PCDH15: variants seen among roughly 807,000 people sequenced by gnomAD.
The protein encoded by PCDH15 is protocadherin-15.
A neutral mutation model predicts 178.5 loss-of-function variants in PCDH15; 129 were observed. The observed-to-expected ratio is 0.72, with a 90% CI of 0.63 to 0.84. The LOEUF is 0.84. Among genes scored for constraint, PCDH15 ranks in the 40% least tolerant of loss-of-function variants. PCDH15 has a pLI of 0.00. For missense variants in PCDH15, 2,230 were observed against 2,099.9 expected (o/e 1.06, Z -1.21); for synonymous variants, 800 against 732.0 (o/e 1.09, Z -1.50).
At chr10:54,439,929 C>A (rs556764268) in intron 3 of PCDH15, among the ~76,000 whole-genome samples, 1 of 152,000 alleles carries the variant, frequency 6.6e-6, no homozygotes, top group South Asian at 2.1e-4. Context: ...ATATGAACTA[C>A]GAATAGATTT....
rs183313365 is a variant in PCDH15 at position 54,922,123 on chromosome 10, C to A, written c.-79-24623G>T. Among the ~76,000 whole-genome samples the A allele has an allele frequency of 6.6e-5, 10 of 152,258 alleles. No individual in the cohort carries two copies. The East Asian group carries it at 1.6e-3, about 24-fold the overall frequency. Reference sequence around the variant, plus strand: ...GTGGGAAAACAGAGCCAAACAATATCATTCCACCTTGGTCCTTCCCAAGTC... The same window carrying A: ...GTGGGAAAACAGAGCCAAACAATATAATTCCACCTTGGTCCTTCCCAAGTC... On this transcript the variant is annotated intron_variant, in intron 2 of 5. Transcript: ENST00000458638.
chr10:53,951,224 A>T (rs1035961229), intron 23 of PCDH15, among the ~76,000 whole-genome samples: 1 of 152,254 alleles, frequency 6.6e-6, no homozygotes, highest in Non-Finnish European at 1.5e-5. Context: ...ATATGAAGAA[A>T]CTACCTAATC....
At chr10:53,991,898 T>C (rs567821982) in intron 21 of PCDH15, among the ~76,000 whole-genome samples, 1 of 152,032 alleles carries the variant, frequency 6.6e-6, no homozygotes. Context: ...CAGCATGATG[T>C]GGGTGGGGTC....
chr10:54,925,508 A>G (rs1837596945), intron 2 of PCDH15, among the ~76,000 whole-genome samples: 1 of 152,146 alleles, frequency 6.6e-6, no homozygotes, highest in African/African-American at 2.4e-5. Context: ...CCATAGGAAT[A>G]GCATTGCATT....
chr10:55,109,611 G>T (rs374041639), intron 2 of PCDH15, among the ~76,000 whole-genome samples: 1 of 151,932 alleles, frequency 6.6e-6, no homozygotes, highest in African/African-American at 2.4e-5. Context: ...AACAGTGAGG[G>T]GTTATAAGGT....
chr10:55,242,760 C>A (rs372037196), intron 1 of PCDH15, among the ~76,000 whole-genome samples: 1 of 151,970 alleles, frequency 6.6e-6, no homozygotes, highest in Non-Finnish European at 1.5e-5. Flanking sequence ...TTGAGGTGGG[C>A]GGATCATCTG....
chr10:55,108,164 C>T (rs1490533828), intron 2 of PCDH15, among the ~76,000 whole-genome samples: 1 of 152,132 alleles, frequency 6.6e-6, no homozygotes, highest in Non-Finnish European at 1.5e-5. Flanking sequence ...TGATCTTATG[C>T]TTCTCAACAT....
chr10:54,893,329 T>C (rs1954495466), intron 3 of PCDH15, among the ~76,000 whole-genome samples: 1 of 152,084 alleles, frequency 6.6e-6, no homozygotes, highest in Non-Finnish European at 1.5e-5. Context: ...TAACCATAAA[T>C]GTTTATGTGA....
chr10:55,056,459 A>T (rs1841305817), intron 2 of PCDH15, among the ~76,000 whole-genome samples: 1 of 151,952 alleles, frequency 6.6e-6, no homozygotes, highest in East Asian at 1.9e-4. Context: ...ATTTTCATTG[A>T]GTTACCATTA....
At chr10:55,273,495 C>T (rs776260271) in intron 1 of PCDH15, among the ~76,000 whole-genome samples, 96 of 152,104 alleles carry the variant, frequency 6.3e-4, no homozygotes, top group Non-Finnish European at 9.9e-4. Context: ...AGAATGATGA[C>T]GAATTCCACA....
chr10:54,607,603 A>G (rs1590458006), intron 2 of PCDH15, among the ~76,000 whole-genome samples: 1 of 152,244 alleles, frequency 6.6e-6, no homozygotes, highest in South Asian at 2.1e-4. Context: ...AAGAGTAGAA[A>G]TCAACCCATA....
At chr10:55,305,254 T>A (rs1323422119) in intron 1 of PCDH15, among the ~76,000 whole-genome samples, 1 of 152,188 alleles carries the variant, frequency 6.6e-6, no homozygotes, top group African/African-American at 2.4e-5. Context: ...GACCCACCAG[T>A]TGAATTGGAT....
chr10:54,409,799 G>A (rs1953215569), intron 3 of PCDH15, among the ~76,000 whole-genome samples: 1 of 152,032 alleles, frequency 6.6e-6, no homozygotes, highest in Non-Finnish European at 1.5e-5. Context: ...CCCCCATGTT[G>A]AGACTGGTGG....
intron 3 of PCDH15, among the ~76,000 whole-genome samples, chr10:54,440,064 A>G (rs1331673427): frequency 1.3e-5 from 2 of 152,014 alleles, no homozygotes; most frequent in African/African-American, 4.8e-5. Context: ...TGGGGGGAAA[A>G]AAACTTCACA....
At chr10:54,144,138 A>T (rs1462735167) in intron 14 of PCDH15, among the ~76,000 whole-genome samples, 1 of 151,866 alleles carries the variant, frequency 6.6e-6, no homozygotes, top group Non-Finnish European at 1.5e-5. Context: ...CTATTAGATT[A>T]GCCTTTGATT....
intron 2 of PCDH15, among the ~76,000 whole-genome samples, chr10:55,360,550 T>C (rs1845203183): frequency 6.6e-6 from 1 of 151,930 alleles, no homozygotes; most frequent in Non-Finnish European, 1.5e-5. Flanking sequence ...AATTGGGGAA[T>C]TTGAGCCTGC....
intron 2 of PCDH15, among the ~76,000 whole-genome samples, chr10:55,023,008 C>T (rs948684952): frequency 1.3e-5 from 2 of 152,012 alleles, no homozygotes; most frequent in Admixed American, 6.5e-5. Context: ...GTGGCTCCAT[C>T]GCCGCTCACT....
chr10:54,344,345 G>T lies in PCDH15; in HGVS notation c.594+2020C>A, dbSNP rs1942836986. ...GGGAGTAAGAGTTACATATTATATT[G>T]TACAGCAAACCTACACTTCCCTGGA... On this transcript the variant is annotated intron_variant, in intron 6 of 37. Transcript: ENST00000644397. Among the ~76,000 whole-genome samples, 2 of 152,046 alleles carry T rather than the reference G, an allele frequency of 1.3e-5. 1 individual carries two copies. Among genetic ancestry groups the T allele is most frequent in the Non-Finnish European group, 2.9e-5 (2 of 68,010 alleles).
chr10:55,625,493 T>C (rs1589196433), intron 2 of PCDH15, among the ~76,000 whole-genome samples: 2 of 152,294 alleles, frequency 1.3e-5, no homozygotes, highest in South Asian at 2.1e-4. Flanking sequence ...ATGCAATTAA[T>C]TGGACCCTCT....
Sources: allele counts gnomAD v4.1 joint callset (sites outside exome capture counted in the v4.1 genomes callset), GRCh38; gene constraint gnomAD v4.1.1; transcripts MANE v1.5; gene names NCBI Gene and HGNC (gene_info 2026-07-23, HGNC 2026-07-21).